PHLPP1: variants seen among roughly 807,000 people sequenced by gnomAD.
PHLPP1 encodes PH domain leucine-rich repeat-containing protein phosphatase 1.
In PHLPP1, 42 loss-of-function variants were observed where a neutral mutation model predicts 117.2. The ratio of observed to expected loss-of-function variants is 0.36; its 90% CI spans 0.28 to 0.46. The LOEUF is 0.46. Among genes scored for constraint, PHLPP1 ranks in the 20% least tolerant of loss-of-function variants. The pLI, the probability that PHLPP1 is intolerant of heterozygous loss-of-function variation, is 1.00. For synonymous variants in PHLPP1, 1,042 were observed against 970.7 expected, an observed-to-expected ratio of 1.07 and a Z score of -1.37; for missense variants, 2,084 against 2,241.9, an observed-to-expected ratio of 0.93 and a Z score of 1.42.
chr18:62,904,121 C>G (rs1431634554), intron 7 of PHLPP1, among the ~76,000 whole-genome samples: 7 of 152,174 alleles, frequency 4.6e-5, no homozygotes, highest in Admixed American at 4.6e-4. Flanking sequence ...CAAGCCAAGC[C>G]TCAAATAGGT....
At chr18:62,977,663 T>G (rs1303081467) in intron 16 of PHLPP1, among the ~76,000 whole-genome samples, 1 of 152,232 alleles carries the variant, frequency 6.6e-6, no homozygotes, top group African/African-American at 2.4e-5. Flanking sequence ...CAAGGTTTTC[T>G]CCACCGCTTA....
At position 62,716,189 on chromosome 18, in the gene PHLPP1, C is replaced by T. The variant is rs759625985; in HGVS notation, c.506C>T (p.Thr169Ile). The change falls in exon 1 of 17, where the codon ACC becomes ATC. Residue 169 changes from threonine to isoleucine, a missense_variant. Thr to Ile is a moderately conservative substitution (Grantham distance 89). Coordinates refer to ENST00000262719, the MANE Select transcript of PHLPP1 (RefSeq NM_194449.4). The surrounding 1 kb of genome is among the most constrained non-coding windows in gnomAD (Gnocchi z 5.7). ...ASCSASASLC[T>I]RSLDRKTLLL... ...TGCTCGGCCTCGGCGTCGCTGTGCA[C>T]CCGGAGCCTGGACAGGAAGACGCTG... is the stretch of plus-strand genomic sequence containing the variant. The T allele has an allele frequency of 1.9e-4, 289 of 1,520,564 alleles. No individual in the cohort carries two copies. Among genetic ancestry groups the T allele is most frequent in the Non-Finnish European group, 2.5e-4 (284 of 1,140,132 alleles). The allele number at this position is 1,520,564 out of a possible 1,614,324, so 94.2% of individuals were successfully genotyped here.
intron 4 of PHLPP1, among the ~76,000 whole-genome samples, chr18:62,864,235 T>G (rs1376930365): frequency 6.6e-6 from 1 of 152,182 alleles, no homozygotes; most frequent in Non-Finnish European, 1.5e-5. Flanking sequence ...TTGGCCAGGC[T>G]GGTCTCGAAC....
chr18:62,780,889 G>C (rs959246599), intron 1 of PHLPP1, among the ~76,000 whole-genome samples: 1 of 152,154 alleles, frequency 6.6e-6, no homozygotes, highest in Non-Finnish European at 1.5e-5. Flanking sequence ...ATCCTCTCCA[G>C]CTTCTTGGTT....
rs71340107 is a variant in PHLPP1 at position 62,721,429 on chromosome 18, GGT to G, written c.1576+4197_1576+4198del. On this transcript the variant is annotated intron_variant, in intron 1 of 16. Transcript: ENST00000262719. Reference sequence around the variant, plus strand: ...AAGTGGGTAACTTTTGAGGGGTGTGGGTGTGTGTGTGTGTGTGTGTGTGTGTG... The same window carrying G: ...AAGTGGGTAACTTTTGAGGGGTGTGGGTGTGTGTGTGTGTGTGTGTGTGTG... 0.012 allele frequency among the ~76,000 whole-genome samples: 1,677 copies of G among 143,620 alleles called. 47 individuals carry two copies. In the South Asian group the frequency reaches 0.13, roughly 11 times the overall value. The allele number at this position is 143,620 out of a possible 152,430, so 94.2% of individuals were successfully genotyped here. A position where few individuals can be genotyped will look rare whatever the true frequency, so the allele number is the denominator to read the frequency against.
intron 3 of PHLPP1, among the ~76,000 whole-genome samples, 180 bp from the exon 4 acceptor site, chr18:62,860,255 G>A (rs1343142199): frequency 6.6e-6 from 1 of 152,096 alleles, no homozygotes; most frequent in Non-Finnish European, 1.5e-5. Context: ...TGTGTGGTAC[G>A]TTATTGACTG....
chr18:62,786,660 C>G (rs557635774), intron 1 of PHLPP1, among the ~76,000 whole-genome samples: 1 of 152,148 alleles, frequency 6.6e-6, no homozygotes, highest in South Asian at 2.1e-4. Context: ...AATAAAAAAT[C>G]ATTGACTTTT....
At chr18:62,919,556 G>A (rs1035055119) in intron 9 of PHLPP1, among the ~76,000 whole-genome samples, 7 of 152,208 alleles carry the variant, frequency 4.6e-5, no homozygotes, top group Admixed American at 2.6e-4. Flanking sequence ...TGCAGATCCT[G>A]TAGGTAAAGA....
At chr18:62,894,389 G>T (rs953644097) in intron 4 of PHLPP1, among the ~76,000 whole-genome samples, 2 of 152,048 alleles carry the variant, frequency 1.3e-5, no homozygotes, top group African/African-American at 4.8e-5. Flanking sequence ...TAGAGATGGG[G>T]TTTCACCATG....
At chr18:62,733,487 C>G (rs1911284029) in intron 1 of PHLPP1, among the ~76,000 whole-genome samples, 1 of 152,188 alleles carries the variant, frequency 6.6e-6, no homozygotes, top group African/African-American at 2.4e-5. Context: ...CGCCCTATAA[C>G]AGTGGTCTGG....
intron 1 of PHLPP1, among the ~76,000 whole-genome samples, chr18:62,717,754 T>G (rs1694631773): frequency 6.6e-6 from 1 of 152,122 alleles, no homozygotes; most frequent in Non-Finnish European, 1.5e-5. Flanking sequence ...ACTGGTGCCT[T>G]TGTTTATTCA....
chr18:62,752,298 A>G (rs1311508516), intron 1 of PHLPP1, among the ~76,000 whole-genome samples: 4 of 152,226 alleles, frequency 2.6e-5, no homozygotes, highest in African/African-American at 9.7e-5. Flanking sequence ...GTTAGTAGTA[A>G]GTTGGGAGTT....
intron 3 of PHLPP1, among the ~76,000 whole-genome samples, chr18:62,842,082 T>A (rs1431145408): frequency 6.6e-6 from 1 of 152,210 alleles, no homozygotes; most frequent in African/African-American, 2.4e-5. Context: ...ATATAATAGA[T>A]TTATACTGGC....
intron 1 of PHLPP1, among the ~76,000 whole-genome samples, chr18:62,796,991 A>G (rs930392037): frequency 2.0e-5 from 3 of 152,218 alleles, no homozygotes; most frequent in African/African-American, 7.2e-5. Flanking sequence ...AATTCTGTAG[A>G]TAGGCAGAAG....
intron 1 of PHLPP1, among the ~76,000 whole-genome samples, chr18:62,818,540 T>G (rs114066581): frequency 2.2e-3 from 334 of 152,066 alleles, no homozygotes; most frequent in African/African-American, 7.8e-3. Flanking sequence ...AAAGAAAATA[T>G]TTTTGAAAAA....
In PHLPP1 at chr18:62,716,948, C is replaced by T; in HGVS notation, c.1265C>T (p.Ala422Val). Residue 422 changes from alanine to valine, a missense_variant, in exon 1 of 17, where the codon GCC (alanine) becomes GTC (valine). Ala to Val is a moderately conservative substitution (Grantham distance 64). Coordinates refer to ENST00000262719, the MANE Select transcript of PHLPP1 (RefSeq NM_194449.4). The surrounding 1 kb of genome is among the most constrained non-coding windows in gnomAD (Gnocchi z 5.7). ...SPQPQQKAPR[A>V]IDSPGGAVRE... ...CAGCCGCAGCAGAAAGCCCCGAGGGCCATTGACAGCCCGGGCGGGGCCGTC... is the reference window on the plus strand; with the variant it reads ...CAGCCGCAGCAGAAAGCCCCGAGGGTCATTGACAGCCCGGGCGGGGCCGTC... The T allele has an allele frequency of 6.5e-7, 1 of 1,537,716 alleles. No individual in the cohort carries two copies. The highest frequency in any genetic ancestry group is 8.7e-7 in the Non-Finnish European group (1 of 1,146,020).
intron 12 of PHLPP1, among the ~76,000 whole-genome samples, chr18:62,951,185 G>C (rs1022102671): frequency 1.3e-5 from 2 of 152,022 alleles, no homozygotes; most frequent in African/African-American, 4.8e-5. Flanking sequence ...GTTTCACTGT[G>C]TTAGCCAGGA....
rs1367821837 is a variant in PHLPP1, at chr18:62,887,112, C to CCATT, written c.2067-7897_2067-7894dup. 2.6e-5 allele frequency among the ~76,000 whole-genome samples: 4 copies of CCATT among 152,170 alleles called. No homozygotes were observed. In the East Asian group the frequency reaches 7.7e-4, roughly 29 times the overall value. On this transcript the variant is annotated intron_variant, in intron 4 of 16. Coordinates refer to ENST00000262719, the MANE Select transcript of PHLPP1 (RefSeq NM_194449.4). The stretch of plus-strand genomic sequence containing the variant: ...ATGAAAAGATAGTGCTTTCCTGAGG[C>CCATT]CATTCTTTGACCTGTGGCTTAGAAT...
At chr18:62,922,551 T>C (rs1909507287) in intron 10 of PHLPP1, among the ~76,000 whole-genome samples, 1 of 152,220 alleles carries the variant, frequency 6.6e-6, no homozygotes, top group African/African-American at 2.4e-5. Flanking sequence ...CTATGGAGAA[T>C]TATAAGTTAT....
Sources: allele counts gnomAD v4.1 joint callset (sites outside exome capture counted in the v4.1 genomes callset), GRCh38; gene constraint gnomAD v4.1.1; non-coding constraint Gnocchi (gnomAD v3.1); transcripts MANE v1.5; gene names NCBI Gene and HGNC (gene_info 2026-07-23, HGNC 2026-07-21).